BMPR2: variants seen among roughly 807,000 people sequenced by gnomAD.
The protein encoded by BMPR2 is bone morphogenetic protein receptor type 2, also known as bone morphogenetic protein receptor type-2.
Under a neutral mutation model 100.8 loss-of-function variants are expected in BMPR2, and 29 were observed. That is an observed-to-expected ratio of 0.29 (90% confidence interval 0.21 to 0.39). The LOEUF (loss-of-function observed/expected upper bound fraction) is 0.39. Ranked by LOEUF, BMPR2 falls within the 10% of genes least tolerant of loss-of-function variation. The probability of loss-of-function intolerance (pLI) is 1.00; values close to 1 mark genes in which losing one functional copy is unlikely to be tolerated. For missense variants in BMPR2, 1,011 were observed against 1,274.5 expected (o/e 0.79, Z 3.15); for synonymous variants, 382 against 442.3 (o/e 0.86, Z 1.71).
chr2:202,533,268 T>C (rs893630691), intron 9 of BMPR2, among the ~76,000 whole-genome samples: 2 of 152,074 alleles, frequency 1.3e-5, no homozygotes, highest in African/African-American at 4.8e-5. Flanking sequence ...AGAATACTCA[T>C]TGGCCAGGTG....
intron 3 of BMPR2, among the ~76,000 whole-genome samples, chr2:202,473,562 G>A (rs1287407045): frequency 6.6e-6 from 1 of 151,296 alleles, no homozygotes; most frequent in Non-Finnish European, 1.5e-5. Flanking sequence ...AGGCCAAGGC[G>A]GGCGGCTCAC....
At chr2:202,457,557 TATATAGAGAGAGAG>T (rs752303867) in intron 1 of BMPR2, among the ~76,000 whole-genome samples, 8,904 of 100,638 alleles carry the variant, frequency 0.088, 371 homozygotes, top group Non-Finnish European at 0.12. Context: ...TATATATATA[TATATAGAGAGAGAG>T]AGAGAGAGAG....
At chr2:202,520,533 T>A (rs1399157394) in intron 7 of BMPR2, 1 of 344,272 alleles carries the variant, frequency 2.9e-6, no homozygotes, top group African/African-American at 2.1e-5. Context: ...AGAAACAAGT[T>A]AAAGTATCTA....
chr2:202,454,869 C>T (rs1388784550), intron 1 of BMPR2, among the ~76,000 whole-genome samples: 2 of 152,150 alleles, frequency 1.3e-5, no homozygotes, highest in Non-Finnish European at 1.5e-5. Flanking sequence ...TTTATTTTTT[C>T]ACAGCTCTGG....
At position 202,497,159 on chromosome 2, in the gene BMPR2, C is replaced by T. The variant is rs535981711; in HGVS notation, c.419-16560C>T. Among the ~76,000 whole-genome samples the T allele has an allele frequency of 1.6e-4, 25 of 152,332 alleles. No individual in the cohort carries two copies. The East Asian group carries it at 2.9e-3, about 18-fold the overall frequency. ...AGCTGCCTTCCCGCGGGGCAGGGCTCGGGCCTGCAGCCCGCCATGCCTGAG... is the reference window on the plus strand; with the variant it reads ...AGCTGCCTTCCCGCGGGGCAGGGCTTGGGCCTGCAGCCCGCCATGCCTGAG... On this transcript the variant is annotated intron_variant, in intron 3 of 12. Coordinates refer to ENST00000374580, the MANE Select transcript of BMPR2 (RefSeq NM_001204.7).
intron 3 of BMPR2, among the ~76,000 whole-genome samples, chr2:202,484,105 A>G (rs1328850021): frequency 1.3e-5 from 2 of 152,222 alleles, no homozygotes; most frequent in Non-Finnish European, 2.9e-5. Flanking sequence ...AGAAGATGAT[A>G]AAAATTTGAA....
chr2:202,424,798 G>T (rs1309789420), intron 1 of BMPR2, among the ~76,000 whole-genome samples: 2 of 152,052 alleles, frequency 1.3e-5, no homozygotes, highest in African/African-American at 4.8e-5. Context: ...CTCTATAAAG[G>T]CATCTGCAAT....
intron 1 of BMPR2, among the ~76,000 whole-genome samples, chr2:202,416,211 A>T (rs1360866383): frequency 6.6e-6 from 1 of 152,128 alleles, no homozygotes. Context: ...TTGAACCTGA[A>T]GATGTGACTG....
At chr2:202,459,384 T>C (rs917620460) in intron 1 of BMPR2, among the ~76,000 whole-genome samples, 2 of 152,202 alleles carry the variant, frequency 1.3e-5, no homozygotes, top group African/African-American at 4.8e-5. Flanking sequence ...AGGTTTGTTA[T>C]ATATGTAAAC....
At chr2:202,395,452 C>T (rs1481305233) in intron 1 of BMPR2, among the ~76,000 whole-genome samples, 1 of 152,120 alleles carries the variant, frequency 6.6e-6, no homozygotes, top group Non-Finnish European at 1.5e-5. Flanking sequence ...TGTTATGATA[C>T]AGAAGTGTGA....
At chr2:202,440,292 T>C (rs1385362071) in intron 1 of BMPR2, among the ~76,000 whole-genome samples, 1 of 116,068 alleles carries the variant, frequency 8.6e-6, no homozygotes, top group Non-Finnish European at 1.8e-5. Context: ...CCAGACGGGG[T>C]GGTGGTAGGG....
At chr2:202,380,727 A>G (rs551759190) in intron 1 of BMPR2, among the ~76,000 whole-genome samples, 21 of 151,042 alleles carry the variant, frequency 1.4e-4, no homozygotes, top group African/African-American at 4.1e-4. Context: ...GGTTCAAGCA[A>G]TTCTGCCTCA....
intron 1 of BMPR2, among the ~76,000 whole-genome samples, chr2:202,454,887 G>A (rs1692061858): frequency 6.6e-6 from 1 of 152,164 alleles, no homozygotes; most frequent in South Asian, 2.1e-4. Flanking sequence ...TGGAAGCTGG[G>A]AAGTCCAAGA....
chr2:202,398,615 G>T (rs1457479598), intron 1 of BMPR2, among the ~76,000 whole-genome samples: 1 of 152,176 alleles, frequency 6.6e-6, no homozygotes, highest in Non-Finnish European at 1.5e-5. Context: ...GCTGAGTTTT[G>T]AATATTCTTG....
Position 202,381,000 on chromosome 2 carries a change from A to T in BMPR2, c.76+3450A>T, listed in dbSNP as rs189973496. On this transcript the variant is annotated intron_variant, in intron 1 of 12. Coordinates refer to ENST00000374580, the MANE Select transcript of BMPR2 (RefSeq NM_001204.7). ...TTTTTTTTTTTTTTTTTTGAGACAG[A>T]GTCTGGCTCGGTCACCCAGACTGGA... Among the ~76,000 whole-genome samples the T allele has an allele frequency of 1.0e-3, 105 of 104,542 alleles. No individual in the cohort carries two copies. The East Asian group carries it at 0.025, about 25-fold the overall frequency. 68.6% of individuals were successfully genotyped at this position (104,542 alleles called of 152,430 possible).
chr2:202,439,038 T>G (rs1691675509), intron 1 of BMPR2, among the ~76,000 whole-genome samples: 1 of 150,596 alleles, frequency 6.6e-6, no homozygotes, highest in South Asian at 2.1e-4. Flanking sequence ...ATTGAATATG[T>G]AGATAAATTT....
chr2:202,427,093 A>C (rs1574442774), intron 1 of BMPR2, among the ~76,000 whole-genome samples: 1 of 152,170 alleles, frequency 6.6e-6, no homozygotes, highest in African/African-American at 2.4e-5. Flanking sequence ...TTTCACACCT[A>C]TAATGCCAAA....
chr2:202,442,881 T>G (rs1334913764), intron 1 of BMPR2, among the ~76,000 whole-genome samples: 1 of 150,734 alleles, frequency 6.6e-6, no homozygotes, highest in Non-Finnish European at 1.5e-5. Flanking sequence ...TCTTGCCTAT[T>G]GTGAATAATA....
At chr2:202,417,665 C>T (rs961160826) in intron 1 of BMPR2, among the ~76,000 whole-genome samples, 1 of 151,392 alleles carries the variant, frequency 6.6e-6, no homozygotes, top group South Asian at 2.1e-4. Flanking sequence ...TTTTTTGAGA[C>T]GGAGTCCCAA....
Sources: gnomAD v4.1 joint callset for allele counts (sites outside exome capture counted in the v4.1 genomes callset) on GRCh38, gnomAD v4.1.1 for gene constraint, MANE v1.5 for transcripts, NCBI Gene and HGNC (gene_info 2026-07-23, HGNC 2026-07-21) for gene names.